The following NDST4 variants were observed in gnomAD, a reference collection of about 807,000 sequenced individuals.
The protein encoded by NDST4 is N-heparan sulfate sulfotransferase 4.
A neutral mutation model predicts 100.8 loss-of-function variants in NDST4; 63 were observed. The observed-to-expected ratio is 0.62, with a 90% CI of 0.51 to 0.77. The LOEUF is 0.77. NDST4 is among the 30% of genes least tolerant of loss of function. The probability of loss-of-function intolerance (pLI) is 0.00; values close to 1 mark genes in which losing one functional copy is unlikely to be tolerated. For synonymous variants in NDST4, 377 were observed against 361.8 expected (o/e 1.04, Z -0.48); for missense variants, 943 against 1,018.4 (o/e 0.93, Z 1.01).
chr4:114,846,589 T>C (rs1418544492), intron 9 of NDST4, among the ~76,000 whole-genome samples: 1 of 152,168 alleles, frequency 6.6e-6, no homozygotes, highest in Non-Finnish European at 1.5e-5. Context: ...GTTGATCCTG[T>C]GGTGCCTCAG....
rs185049877 is a variant in NDST4, at chr4:114,920,859, C to G, written c.1536+14347G>C. Among the ~76,000 whole-genome samples the G allele has an allele frequency of 2.1e-3, 313 of 152,228 alleles. 3 individuals carry two copies. Among genetic ancestry groups the G allele is most frequent in the African/African-American group, 7.3e-3 (302 of 41,530 alleles). ...TATCCACTAGTGATAGGTGATGAAA[C>G]CCAATCTAAAGGTTTCTATTTGATT... On this transcript the variant is annotated intron_variant, in intron 6 of 13. Coordinates refer to ENST00000264363, the MANE Select transcript of NDST4 (RefSeq NM_022569.3).
At position 115,076,271 on chromosome 4, in the gene NDST4, C is replaced by T. The variant is rs1273104984; in HGVS notation, c.766G>A (p.Val256Met). 1 of 1,613,862 alleles carries T rather than the reference C, an allele frequency of 6.2e-7. No homozygotes were observed. The highest frequency in any genetic ancestry group is 1.3e-5 in the African/African-American group (1 of 74,920). Residue 256 changes from valine (V) to methionine (M), a missense_variant, in exon 2 of 14, where the codon GTG becomes ATG. By Grantham distance (21) the Val-to-Met change is conservative. Transcript: ENST00000264363. ...SLSSKTLFAT[V>M]IQDLGLHDGI... ...TCATGAAGCCCCAGATCCTGAATCA[C>T]CGTTGCAAAGAGTGTTTTGCTAGAC...
chr4:114,924,849 T>G (rs2126220551), intron 6 of NDST4, among the ~76,000 whole-genome samples: 1 of 152,238 alleles, frequency 6.6e-6, no homozygotes, highest in South Asian at 2.1e-4. Context: ...ATTCCAATGT[T>G]GCTAGCACAA....
chr4:114,873,897 A>G (rs993493102), intron 6 of NDST4, among the ~76,000 whole-genome samples: 3 of 152,136 alleles, frequency 2.0e-5, no homozygotes, highest in African/African-American at 7.2e-5. Flanking sequence ...CTGCCTTCTT[A>G]GCGTTGTTAT....
At chr4:115,056,789 C>T (rs1318786846) in intron 2 of NDST4, among the ~76,000 whole-genome samples, 1 of 152,072 alleles carries the variant, frequency 6.6e-6, no homozygotes, top group Non-Finnish European at 1.5e-5. Flanking sequence ...AATATGGTTT[C>T]CTTATTTCCA....
At chr4:114,870,189 A>G (rs926034841) in intron 7 of NDST4, among the ~76,000 whole-genome samples, 1 of 152,188 alleles carries the variant, frequency 6.6e-6, no homozygotes, top group Non-Finnish European at 1.5e-5. Context: ...ATGAAGTTGA[A>G]TTATTAGTAA....
intron 6 of NDST4, among the ~76,000 whole-genome samples, chr4:114,889,016 C>T (rs1163404812): frequency 3.3e-5 from 5 of 151,904 alleles, no homozygotes; most frequent in Non-Finnish European, 5.9e-5. Context: ...ACATCCCTGC[C>T]AGCTATCAGT....
Position 114,986,832 on chromosome 4 carries a change from A to ATTTTTTT in NDST4, c.979-9559_979-9558insAAAAAAA, listed in dbSNP as rs58065684. On this transcript the variant is annotated intron_variant, in intron 2 of 13. Coordinates refer to ENST00000264363, the MANE Select transcript of NDST4 (RefSeq NM_022569.3). Reference sequence around the variant, plus strand: ...TATATATATATATATATATATATATATTTTAATATACTATTCCTATAAGCT... The same window carrying ATTTTTTT: ...TATATATATATATATATATATATATATTTTTTTTTTTAATATACTATTCCTATAAGCT... 2.1e-4 allele frequency among the ~76,000 whole-genome samples: 20 copies of ATTTTTTT among 94,654 alleles called. 1 individual carries two copies. The highest frequency in any genetic ancestry group is 7.9e-3 in the Middle Eastern group (1 of 126). The allele number at this position is 94,654 out of a possible 152,430, so 62.1% of individuals were successfully genotyped here.
chr4:115,075,271 C>A (rs982305195), intron 2 of NDST4, among the ~76,000 whole-genome samples: 2 of 152,128 alleles, frequency 1.3e-5, no homozygotes, highest in South Asian at 4.1e-4. Context: ...TTCATATGAG[C>A]AAATATTATG....
chr4:114,870,929 A>G lies in NDST4; in HGVS notation c.1558T>C (p.Leu520=). Residue 520 remains leucine, a synonymous_variant, in exon 7 of 14, where the codon TTA becomes CTA. Transcript: ENST00000264363. ...AGGCGGTCATTTCCATAGTTTGATA[A>G]ATGGGTCATGAAAATGCTGATCTGA... The part of the protein sequence containing the change: ...LNPISIFMTH[L]SNYGNDRLGL... The G allele has an allele frequency of 6.2e-7, 1 of 1,606,044 alleles. No homozygotes were observed. Among genetic ancestry groups the G allele is most frequent in the Non-Finnish European group, 8.5e-7 (1 of 1,176,810 alleles).
chr4:115,079,358 T>C (rs1358161257), intron 1 of NDST4, among the ~76,000 whole-genome samples: 1 of 141,506 alleles, frequency 7.1e-6, no homozygotes, highest in African/African-American at 2.8e-5. Context: ...CAAAACTCTG[T>C]CTCAGAAAAA....
chr4:115,003,084 G>T (rs1205305444), intron 2 of NDST4, among the ~76,000 whole-genome samples: 1 of 152,222 alleles, frequency 6.6e-6, no homozygotes, highest in Non-Finnish European at 1.5e-5. Context: ...GACCAGGGCT[G>T]CAGGGACAAA....
intron 3 of NDST4, among the ~76,000 whole-genome samples, chr4:114,973,213 A>G (rs1006419420): frequency 1.3e-5 from 2 of 151,996 alleles, no homozygotes; most frequent in African/African-American, 4.8e-5. Context: ...ATATACTTAA[A>G]TTATATGTGG....
chr4:114,880,039 C>T (rs539128882), intron 6 of NDST4, among the ~76,000 whole-genome samples: 1 of 152,250 alleles, frequency 6.6e-6, no homozygotes, highest in East Asian at 1.9e-4. Context: ...CACCGACCTT[C>T]CTCAATAGAG....
At chr4:115,106,671 A>C (rs953625111) in intron 1 of NDST4, among the ~76,000 whole-genome samples, 1 of 152,130 alleles carries the variant, frequency 6.6e-6, no homozygotes, top group Non-Finnish European at 1.5e-5. Context: ...TATGTTTTAA[A>C]ATACTTTTCA....
rs148223969 is a variant in NDST4 at position 115,030,502 on chromosome 4, C to T, written c.978+45557G>A. ...TGACAGGAACCATAAGTCACAGCAA[C>T]TGGGTCATCCTGAATTATCTAACAG... is the stretch of plus-strand genomic sequence containing the variant. On this transcript the variant is annotated intron_variant, in intron 2 of 13. Transcript: ENST00000264363. Among the ~76,000 whole-genome samples the T allele has an allele frequency of 9.2e-4, 140 of 152,186 alleles. 2 individuals carry two copies. The highest frequency in any genetic ancestry group is 3.1e-3 in the African/African-American group (127 of 41,544).
At chr4:115,110,309 T>A (rs1729919331) in intron 1 of NDST4, among the ~76,000 whole-genome samples, 1 of 151,966 alleles carries the variant, frequency 6.6e-6, no homozygotes, top group African/African-American at 2.4e-5. Context: ...CCTGAAGTGT[T>A]AAAGAAAAGG....
chr4:114,990,636 C>T (rs947107890), intron 2 of NDST4, among the ~76,000 whole-genome samples: 3 of 152,004 alleles, frequency 2.0e-5, no homozygotes, highest in African/African-American at 7.2e-5. Context: ...GATCTTTATT[C>T]TTCCTAATTG....
At chr4:114,996,239 G>GTAAA (rs1727158992) in intron 2 of NDST4, among the ~76,000 whole-genome samples, 1 of 151,946 alleles carries the variant, frequency 6.6e-6, no homozygotes, top group Non-Finnish European at 1.5e-5. Context: ...CAGATCTGAT[G>GTAAA]GTTTTATAAG....
Sources: gnomAD v4.1 joint callset for allele counts (sites outside exome capture counted in the v4.1 genomes callset) on GRCh38, gnomAD v4.1.1 for gene constraint, MANE v1.5 for transcripts, NCBI Gene and HGNC (gene_info 2026-07-23, HGNC 2026-07-21) for gene names.